Variants in CHST12 observed in about 807,000 individuals in gnomAD.
The protein encoded by CHST12 is carbohydrate sulfotransferase 12, also known as carbohydrate (chondroitin 4) sulfotransferase 12.
CHST12 carries 23 observed loss-of-function variants against 27.9 expected under a neutral mutation model. The observed-to-expected ratio is 0.82, with a 90% CI of 0.59 to 1.17. The LOEUF is 1.17. CHST12 is among the 50% of genes most tolerant of loss of function. CHST12 has a pLI of 0.00. For missense variants in CHST12, 682 were observed against 603.0 expected (o/e 1.13, Z -1.37); for synonymous variants, 322 against 273.0 (o/e 1.18, Z -1.77).
At chr7:2,410,523 G>T (rs1035055753) in intron 1 of CHST12, among the ~76,000 whole-genome samples, 4 of 152,126 alleles carry the variant, frequency 2.6e-5, no homozygotes, top group African/African-American at 7.2e-5. Flanking sequence ...ATAAATAAAA[G>T]ATTTGAGGTA....
At chr7:2,427,142 G>A (rs1369184960) in intron 1 of CHST12, among the ~76,000 whole-genome samples, 1 of 151,698 alleles carries the variant, frequency 6.6e-6, no homozygotes, top group East Asian at 1.9e-4. Context: ...CCAAGATCAT[G>A]CCACTGCACT....
chr7:2,416,176 G>C (rs1043085877), intron 1 of CHST12, among the ~76,000 whole-genome samples: 6 of 152,130 alleles, frequency 3.9e-5, no homozygotes, highest in Non-Finnish European at 7.4e-5. Context: ...CTGCTCTTTC[G>C]TTCCTTCGTA....
In CHST12 at chr7:2,433,512, C is replaced by G. The variant is rs762152003; in HGVS notation, c.873C>G (p.Ala291=). ...GCCTGCCCGCCTCGGCGCGCGAGGC[C>G]TTCCGCGCTGGCCTCAAGGTGTCCT... The part of the protein sequence containing the change: ...HTSLPASARE[A]FRAGLKVSFA... The change falls in exon 2 of 2, where the codon GCC becomes GCG. Residue 291 remains alanine, a synonymous_variant. Transcript: ENST00000618655. This position sits in a 1 kb window ranked among gnomAD's most constrained non-coding sequence, Gnocchi z 6.1. The G allele has an allele frequency of 1.2e-6, 2 of 1,612,538 alleles. No homozygotes were observed. The highest frequency in any genetic ancestry group is 4.5e-5 in the East Asian group (2 of 44,886).
intron 1 of CHST12, among the ~76,000 whole-genome samples, chr7:2,404,990 G>C (rs1781485558): frequency 6.6e-6 from 1 of 152,178 alleles, no homozygotes; most frequent in Non-Finnish European, 1.5e-5. Context: ...TTAACAGAAT[G>C]TGGCGACATT....
chr7:2,414,120 T>C (rs1781742428), intron 1 of CHST12, among the ~76,000 whole-genome samples: 1 of 152,220 alleles, frequency 6.6e-6, no homozygotes, highest in African/African-American at 2.4e-5. Context: ...TCTTCTTTTG[T>C]GAAACGTCTG....
Position 2,434,139 on chromosome 7 carries a change from C to T in CHST12, c.*255C>T, listed in dbSNP as rs935766042. On this transcript the variant is annotated 3_prime_UTR_variant, in exon 2 of 2. Transcript: ENST00000618655. ...CCGCCCGCCCGCTCGCCCGCTCGCC[C>T]GCTCCTGTGGTTTTTCTGAGCGTGC... is the stretch of plus-strand genomic sequence containing the variant. 6.0e-6 allele frequency: 2 copies of T among 335,756 alleles called. No individual in the cohort carries two copies. The highest frequency in any genetic ancestry group is 5.7e-6 in the Non-Finnish European group (1 of 174,950). 20.8% of individuals were successfully genotyped at this position (335,756 alleles called of 1,614,324 possible).
At chr7:2,410,228 C>G (rs181018756) in intron 1 of CHST12, among the ~76,000 whole-genome samples, 5 of 152,336 alleles carry the variant, frequency 3.3e-5, no homozygotes, top group African/African-American at 9.6e-5. Flanking sequence ...AACATCACCT[C>G]TTTCTTGAGC....
At chr7:2,408,419 C>T (rs1012805475) in intron 1 of CHST12, among the ~76,000 whole-genome samples, 2 of 147,480 alleles carry the variant, frequency 1.4e-5, no homozygotes, top group Non-Finnish European at 3.0e-5. Context: ...CCAGGACATA[C>T]TGTTGTGAAA....
chr7:2,444,085 C>T lies in CHST12; in HGVS notation c.*10201C>T, dbSNP rs1782685472. The T allele has an allele frequency of 6.6e-6, 1 of 151,278 alleles. No individual in the cohort carries two copies. The allele number at this position is 151,278 out of a possible 1,614,324, so 9.4% of individuals were successfully genotyped here. Reference sequence around the variant, plus strand: ...GGATCACGAGGTCAGGAGATCGAGACCATCCCGGCTAAAACGGTGAAACCC... The same window carrying T: ...GGATCACGAGGTCAGGAGATCGAGATCATCCCGGCTAAAACGGTGAAACCC... On this transcript the variant is annotated 3_prime_UTR_variant, in exon 2 of 2. Transcript: ENST00000618655.
In CHST12 at chr7:2,433,379, C is replaced by T; in HGVS notation, c.740C>T (p.Pro247Leu). The change falls in exon 2 of 2, where the codon CCC becomes CTC. Residue 247 changes from proline (P) to leucine (L), a missense_variant. Transcript: ENST00000618655. The surrounding 1 kb of genome is among the most constrained non-coding windows in gnomAD (Gnocchi z 6.1). ...ACCAAGTTCCTCTTCGTGCGCGACC[C>T]CTTCGTGCGCCTGATCTCCGCCTTC... ...KYTKFLFVRD[P>L]FVRLISAFRS... 1.2e-6 allele frequency: 2 copies of T among 1,610,222 alleles called. No homozygotes were observed. The highest frequency in any genetic ancestry group is 1.3e-5 in the African/African-American group (1 of 75,060).
chr7:2,409,071 G>C (rs969694128), intron 1 of CHST12, among the ~76,000 whole-genome samples: 3 of 152,178 alleles, frequency 2.0e-5, no homozygotes, highest in East Asian at 1.9e-4. Context: ...ATAAACCATC[G>C]TGCGGGAAAC....
In CHST12 at chr7:2,441,718, T is replaced by C. The variant is rs114296886; in HGVS notation, c.*7834T>C. On this transcript the variant is annotated 3_prime_UTR_variant, in exon 2 of 2. Transcript: ENST00000618655. ...AAAAAAAAAAAAAAAAAAAAAGGTG[T>C]TGTATTTTATCATTAGAAGGCCATC... The C allele has an allele frequency of 6.7e-6, 1 of 150,228 alleles. No individual in the cohort carries two copies. Among genetic ancestry groups the C allele is most frequent in the South Asian group, 2.1e-4 (1 of 4,734 alleles). 9.3% of individuals were successfully genotyped at this position (150,228 alleles called of 1,614,324 possible). A position where few individuals can be genotyped will look rare whatever the true frequency, so the allele number is the denominator to read the frequency against.
chr7:2,424,509 G>A (rs1782055772), intron 1 of CHST12, among the ~76,000 whole-genome samples: 1 of 152,142 alleles, frequency 6.6e-6, no homozygotes. Flanking sequence ...GATAGACTCC[G>A]AGAAGCTTAT....
Position 2,438,622 on chromosome 7 carries a change from C to G in CHST12, c.*4738C>G, listed in dbSNP as rs892068834. 6.6e-6 allele frequency: 1 copy of G among 152,216 alleles called. No homozygotes were observed. The highest frequency in any genetic ancestry group is 2.4e-5 in the African/African-American group (1 of 41,454). The allele number at this position is 152,216 out of a possible 1,614,324, so 9.4% of individuals were successfully genotyped here. On this transcript the variant is annotated 3_prime_UTR_variant, in exon 2 of 2. Transcript: ENST00000618655. ...AACCTAAGAATATCAAAAGGGAAAG[C>G]TTGGCTTGCATGGACGTAATTAACC...
intron 1 of CHST12, among the ~76,000 whole-genome samples, chr7:2,431,938 T>G (rs1338873763): frequency 6.6e-6 from 1 of 150,800 alleles, no homozygotes; most frequent in East Asian, 1.9e-4. Context: ...CACTGTGGGG[T>G]TTGATGATTT....
chr7:2,426,389 T>A (rs1782119084), intron 1 of CHST12, among the ~76,000 whole-genome samples: 1 of 152,138 alleles, frequency 6.6e-6, no homozygotes, highest in Admixed American at 6.5e-5. Context: ...TCCCCAGCTA[T>A]GTGAGTGAGA....
chr7:2,427,485 AG>A, intron 1 of CHST12, among the ~76,000 whole-genome samples: 1 of 150,846 alleles, frequency 6.6e-6, no homozygotes, highest in Non-Finnish European at 1.5e-5. Flanking sequence ...TAGGTGACAG[AG>A]CAAGGCTCTG....
chr7:2,415,549 T>A (rs1343072485), intron 1 of CHST12, among the ~76,000 whole-genome samples: 1 of 152,044 alleles, frequency 6.6e-6, no homozygotes, highest in African/African-American at 2.4e-5. Context: ...TTGATGTTGA[T>A]AGCTGCTGAT....
Position 2,443,512 on chromosome 7 carries a change from A to C in CHST12, c.*9628A>C, listed in dbSNP as rs571624371. 31 of 152,332 alleles carry C rather than the reference A, an allele frequency of 2.0e-4. 1 individual carries two copies. Among genetic ancestry groups the C allele is most frequent in the Admixed American group, 1.8e-3 (28 of 15,298 alleles). 9.4% of individuals were successfully genotyped at this position (152,332 alleles called of 1,614,324 possible). A position where few individuals can be genotyped will look rare whatever the true frequency, so the allele number is the denominator to read the frequency against. On this transcript the variant is annotated 3_prime_UTR_variant, in exon 2 of 2. Coordinates refer to ENST00000618655, the MANE Select transcript of CHST12 (RefSeq NM_018641.5). ...AAAAGGTTGGGGACCGCGGCTCTGG[A>C]GTATATGCCTAGGAGTAGGAGTGTG... is the stretch of plus-strand genomic sequence containing the variant.
Sources: allele counts gnomAD v4.1 joint callset (sites outside exome capture counted in the v4.1 genomes callset), GRCh38; gene constraint gnomAD v4.1.1; non-coding constraint Gnocchi (gnomAD v3.1); transcripts MANE v1.5; gene names NCBI Gene and HGNC (gene_info 2026-07-23, HGNC 2026-07-21).